The following CCDC172 variants were observed in gnomAD, a reference collection of about 807,000 sequenced individuals.
CCDC172 encodes the protein coiled-coil domain containing 172.
Under a neutral mutation model 38.0 loss-of-function variants are expected in CCDC172, and 30 were observed. The ratio of observed to expected loss-of-function variants is 0.79; its 90% confidence interval spans 0.59 to 1.07. CCDC172 has a LOEUF of 1.07. CCDC172 is among the 50% of genes least tolerant of loss of function. The pLI is 0.00. For missense variants in CCDC172, 297 were observed against 290.1 expected, an observed-to-expected ratio of 1.02 and a Z score of -0.17; for synonymous variants, 78 against 88.3, an observed-to-expected ratio of 0.88 and a Z score of 0.66.
At chr10:116,359,763 T>C (rs1194701044) in intron 7 of CCDC172, among the ~76,000 whole-genome samples, 5 of 152,238 alleles carry the variant, frequency 3.3e-5, no homozygotes, top group Non-Finnish European at 7.3e-5. Context: ...AATTCATTTC[T>C]ATGAGCTTAC....
intron 7 of CCDC172, among the ~76,000 whole-genome samples, chr10:116,369,731 G>C (rs1019331469): frequency 5.3e-5 from 8 of 152,010 alleles, no homozygotes; most frequent in Non-Finnish European, 7.4e-5. Flanking sequence ...TGGATATGGA[G>C]TGGCAGTGTC....
intron 7 of CCDC172, among the ~76,000 whole-genome samples, chr10:116,369,738 T>G (rs1845164020): frequency 6.6e-6 from 1 of 152,036 alleles, no homozygotes; most frequent in South Asian, 2.1e-4. Flanking sequence ...GGAGTGGCAG[T>G]GTCAAAGGGA....
At chr10:116,338,878 A>T (rs1038280946) in intron 3 of CCDC172, among the ~76,000 whole-genome samples, 3 of 151,822 alleles carry the variant, frequency 2.0e-5, no homozygotes, top group African/African-American at 7.3e-5. Context: ...TTTACAACAG[A>T]TCAGTGGTAT....
chr10:116,376,370 A>G (rs546305882), intron 7 of CCDC172, among the ~76,000 whole-genome samples: 103 of 152,188 alleles, frequency 6.8e-4, no homozygotes, highest in African/African-American at 2.3e-3. Context: ...GTTGTTCCTC[A>G]TATCTCCCCT....
intron 5 of CCDC172, among the ~76,000 whole-genome samples, chr10:116,354,803 T>C (rs1844973990): frequency 1.3e-5 from 2 of 152,188 alleles, no homozygotes; most frequent in South Asian, 2.1e-4. Flanking sequence ...GGCCTTCCAG[T>C]AGGGGCTTGT....
At position 116,360,066 on chromosome 10, in the gene CCDC172, GTTTA is replaced by G. The variant is rs144073053; in HGVS notation, c.653+2133_653+2136del. Among the ~76,000 whole-genome samples, 13 of 152,292 alleles carry G rather than the reference GTTTA, an allele frequency of 8.5e-5. No homozygotes were observed. The East Asian group carries it at 2.3e-3, about 27-fold the overall frequency. On this transcript the variant is annotated intron_variant, in intron 7 of 8. Transcript: ENST00000333254. ...TCTATTTATAAATATCAAGATGTTTGTTTATTTAAACATTCTGTTTTGAAGAGTA... is the reference window on the plus strand; with the variant it reads ...TCTATTTATAAATATCAAGATGTTTGTTTAAACATTCTGTTTTGAAGAGTA...
rs1325777760 is a variant in CCDC172 at position 116,357,445 on chromosome 10, A to G, written c.514A>G (p.Ile172Val). The stretch of plus-strand genomic sequence containing the variant: ...ACTTCAAAAACAAAAGAGTGAATTG[A>G]TACAAGAATTATTTACTCTCCAAAG... ...NELQKQKSELIQELFTLQRKL... is the reference protein window; with the variant it reads ...NELQKQKSELVQELFTLQRKL... Residue 172 changes from isoleucine (I) to valine (V), a missense_variant, in exon 6 of 9, where the codon ATA (isoleucine) becomes GTA (valine). Ile to Val is a conservative substitution (Grantham distance 29). Coordinates refer to ENST00000333254, the MANE Select transcript of CCDC172 (RefSeq NM_198515.3). The G allele has an allele frequency of 3.2e-6, 5 of 1,583,272 alleles. No homozygotes were observed. The highest frequency in any genetic ancestry group is 3.4e-6 in the Non-Finnish European group (4 of 1,167,216).
At chr10:116,341,924 G>A (rs73374933) in intron 4 of CCDC172, 112 bp from the exon 5 acceptor site, 47,117 of 747,470 alleles carry the variant, frequency 0.063, 2,325 homozygotes, top group East Asian at 0.23. Flanking sequence ...ACCAGGAAGT[G>A]TAACTATATA....
chr10:116,356,559 A>G (rs1408911646), intron 5 of CCDC172, among the ~76,000 whole-genome samples: 1 of 152,174 alleles, frequency 6.6e-6, no homozygotes, highest in East Asian at 1.9e-4. Flanking sequence ...GCTCAGAGAC[A>G]TGTGGAACAA....
chr10:116,363,968 A>AG (rs919407071), intron 7 of CCDC172, among the ~76,000 whole-genome samples: 17 of 151,846 alleles, frequency 1.1e-4, no homozygotes, highest in Non-Finnish European at 2.4e-4. Context: ...ATAGATTTAA[A>AG]GTTTCATGTG....
intron 2 of CCDC172, 55 bp downstream of exon 2, chr10:116,325,145 T>G: frequency 6.3e-7 from 1 of 1,575,514 alleles, no homozygotes; most frequent in South Asian, 1.1e-5. Flanking sequence ...TGCTGGGTGC[T>G]TGGAGCAGAA....
At chr10:116,338,816 T>C (rs1844760493) in intron 3 of CCDC172, among the ~76,000 whole-genome samples, 1 of 152,142 alleles carries the variant, frequency 6.6e-6, no homozygotes, top group African/African-American at 2.4e-5. Context: ...AATCCGTTAG[T>C]TTGATAAGTA....
At chr10:116,336,761 C>A (rs910501563) in intron 3 of CCDC172, among the ~76,000 whole-genome samples, 1 of 151,802 alleles carries the variant, frequency 6.6e-6, no homozygotes, top group Non-Finnish European at 1.5e-5. Context: ...TCCTCAAGGC[C>A]GAGATTATTT....
chr10:116,360,257 A>AAGATCAG (rs1845046837), intron 7 of CCDC172, among the ~76,000 whole-genome samples: 1 of 152,040 alleles, frequency 6.6e-6, no homozygotes, highest in African/African-American at 2.4e-5. Context: ...AGAAATAATA[A>AAGATCAG]AGATCAGAGT....
chr10:116,376,377 C>T (rs1845244124), intron 7 of CCDC172, among the ~76,000 whole-genome samples: 1 of 152,092 alleles, frequency 6.6e-6, no homozygotes, highest in African/African-American at 2.4e-5. Flanking sequence ...CTCATATCTC[C>T]CCTCAGGGCA....
intron 3 of CCDC172, 116 bp from the exon 4 acceptor site, chr10:116,340,618 T>C (rs1844780254): frequency 1.8e-6 from 1 of 563,094 alleles, no homozygotes; most frequent in Non-Finnish European, 3.2e-6. Flanking sequence ...TTATTTTGCA[T>C]TTTAAAGATT....
At position 116,338,250 on chromosome 10, in the gene CCDC172, A is replaced by G. The variant is rs537126521; in HGVS notation, c.166-2484A>G. Among the ~76,000 whole-genome samples the G allele has an allele frequency of 1.2e-3, 188 of 152,200 alleles. 1 individual carries two copies. The highest frequency in any genetic ancestry group is 2.1e-3 in the Non-Finnish European group (143 of 67,990). ...CGCTTTCTCCGTCATTCTACTTCTCATACTTACCAAGACTTTTGTATTAAC... is the reference window on the plus strand; with the variant it reads ...CGCTTTCTCCGTCATTCTACTTCTCGTACTTACCAAGACTTTTGTATTAAC... On this transcript the variant is annotated intron_variant, in intron 3 of 8. Coordinates refer to ENST00000333254, the MANE Select transcript of CCDC172 (RefSeq NM_198515.3).
chr10:116,363,089 T>G (rs1425926223), intron 7 of CCDC172, among the ~76,000 whole-genome samples: 2 of 152,246 alleles, frequency 1.3e-5, no homozygotes, highest in Non-Finnish European at 2.9e-5. Flanking sequence ...TTTTCTAAAT[T>G]CATTGGTATC....
At chr10:116,336,145 C>T (rs1042837755) in intron 3 of CCDC172, among the ~76,000 whole-genome samples, 6 of 150,466 alleles carry the variant, frequency 4.0e-5, no homozygotes, top group Non-Finnish European at 5.9e-5. Flanking sequence ...TCAGCCTGGG[C>T]GACAAGAGTA....
Sources: gnomAD v4.1 joint callset for allele counts (sites outside exome capture counted in the v4.1 genomes callset) on GRCh38, gnomAD v4.1.1 for gene constraint, MANE v1.5 for transcripts, NCBI Gene and HGNC (gene_info 2026-07-23, HGNC 2026-07-21) for gene names.